VMP1: variants seen among roughly 807,000 people sequenced by gnomAD.
VMP1 encodes the protein ectopic P-granules autophagy protein 3 homolog.
A neutral mutation model predicts 56.0 loss-of-function variants in VMP1; 11 were observed. The ratio of observed to expected loss-of-function variants is 0.20; its 90% CI spans 0.12 to 0.32. The LOEUF is 0.32. Ranked by LOEUF, VMP1 falls within the 10% of genes least tolerant of loss-of-function variation. The probability of loss-of-function intolerance (pLI) is 1.00; values close to 1 mark genes in which losing one functional copy is unlikely to be tolerated. For synonymous variants in VMP1, 149 were observed against 165.0 expected (o/e 0.90, Z 0.74); for missense variants, 296 against 490.3 (o/e 0.60, Z 3.74).
At chr17:59,764,356 C>T (rs77822125) in intron 5 of VMP1, among the ~76,000 whole-genome samples, 84 of 152,102 alleles carry the variant, frequency 5.5e-4, no homozygotes, top group African/African-American at 2.0e-3. Flanking sequence ...AGGGATGGGG[C>T]CTTGTTCCGT....
intron 1 of VMP1, among the ~76,000 whole-genome samples, chr17:59,713,395 TATAATA>T (rs549268809): frequency 1.3e-5 from 2 of 151,214 alleles, no homozygotes; most frequent in East Asian, 1.9e-4. Flanking sequence ...GAACTTAAAG[TATAATA>T]ATAATAATAA....
chr17:59,832,182 C>CTTT (rs766864144), intron 10 of VMP1, among the ~76,000 whole-genome samples: 3,617 of 102,756 alleles, frequency 0.035, 500 homozygotes, highest in African/African-American at 0.13. Flanking sequence ...ATGAGATCAA[C>CTTT]TTTTTTTTTT....
At chr17:59,791,732 G>A (rs1294540079) in intron 7 of VMP1, among the ~76,000 whole-genome samples, 1 of 152,012 alleles carries the variant, frequency 6.6e-6, no homozygotes, top group Non-Finnish European at 1.5e-5. Context: ...CCAAAATGCT[G>A]GGATTACAGG....
chr17:59,745,641 C>A (rs1369121220), intron 5 of VMP1, among the ~76,000 whole-genome samples: 2 of 152,162 alleles, frequency 1.3e-5, no homozygotes, highest in Non-Finnish European at 2.9e-5. Flanking sequence ...ATCCTAATTA[C>A]ACTTACTTTC....
intron 7 of VMP1, among the ~76,000 whole-genome samples, chr17:59,781,679 C>G (rs1027652639): frequency 1.3e-5 from 2 of 152,048 alleles, no homozygotes; most frequent in African/African-American, 4.8e-5. Context: ...CACATCTTTG[C>G]TATAACGGGT....
chr17:59,722,063 A>G (rs1001660404), intron 1 of VMP1, among the ~76,000 whole-genome samples: 3 of 152,214 alleles, frequency 2.0e-5, no homozygotes, highest in African/African-American at 7.2e-5. Context: ...GTGAGTCCTT[A>G]TTAGAGTACC....
intron 5 of VMP1, 22 bp from the exon 6 acceptor site, chr17:59,764,949 G>A: frequency 6.7e-7 from 1 of 1,487,942 alleles, no homozygotes; most frequent in Non-Finnish European, 9.0e-7. Flanking sequence ...CTTATCAGAA[G>A]TTTCTTGTAT....
At chr17:59,796,367 A>G (rs1010831075) in intron 7 of VMP1, among the ~76,000 whole-genome samples, 5 of 152,186 alleles carry the variant, frequency 3.3e-5, no homozygotes, top group African/African-American at 1.2e-4. Flanking sequence ...TGTGTTCTCA[A>G]CTTCTACAAT....
chr17:59,789,576 C>A (rs938124595), intron 7 of VMP1, among the ~76,000 whole-genome samples: 7 of 151,476 alleles, frequency 4.6e-5, no homozygotes, highest in Non-Finnish European at 7.4e-5. Flanking sequence ...AGACTACTTA[C>A]GCTTCGTTTT....
At chr17:59,753,882 G>A (rs961370640) in intron 5 of VMP1, among the ~76,000 whole-genome samples, 1 of 152,126 alleles carries the variant, frequency 6.6e-6, no homozygotes, top group Non-Finnish European at 1.5e-5. Flanking sequence ...AAGCAGTTTG[G>A]AAGTAGAAAA....
chr17:59,775,147 T>C (rs190487962), intron 7 of VMP1, among the ~76,000 whole-genome samples: 1 of 152,110 alleles, frequency 6.6e-6, no homozygotes, highest in East Asian at 1.9e-4. Context: ...GGTTTCACCA[T>C]GTTAGCCAGG....
chr17:59,810,103 G>A (rs551981359), intron 8 of VMP1, among the ~76,000 whole-genome samples: 7 of 152,146 alleles, frequency 4.6e-5, no homozygotes, highest in Non-Finnish European at 1.0e-4. Flanking sequence ...TGTTTAAAGC[G>A]ATGTTAGCTC....
chr17:59,836,620 T>C (rs1304168440), intron 10 of VMP1, among the ~76,000 whole-genome samples: 1 of 152,026 alleles, frequency 6.6e-6, no homozygotes, highest in Non-Finnish European at 1.5e-5. Context: ...TGTTCACAGA[T>C]CAGTTCGTGT....
rs1195116103 is a variant in VMP1, at chr17:59,772,991, C to G, written c.583-763C>G. On this transcript the variant is annotated intron_variant, in intron 6 of 11. Coordinates refer to ENST00000262291, the MANE Select transcript of VMP1 (RefSeq NM_030938.5). ...TTTTTTTTTTTTTTTGAGACAGAGTCTTGCTCTGTTGCCAGGCTGGAGTGT... is the reference window on the plus strand; with the variant it reads ...TTTTTTTTTTTTTTTGAGACAGAGTGTTGCTCTGTTGCCAGGCTGGAGTGT... Among the ~76,000 whole-genome samples the G allele has an allele frequency of 4.9e-5, 4 of 81,924 alleles. No individual in the cohort carries two copies. In the Admixed American group the frequency reaches 6.5e-4, roughly 13 times the overall value. 53.7% of individuals were successfully genotyped at this position (81,924 alleles called of 152,430 possible). A position where few individuals can be genotyped will look rare whatever the true frequency, so the allele number is the denominator to read the frequency against.
intron 4 of VMP1, among the ~76,000 whole-genome samples, chr17:59,737,849 A>C (rs1324852196): frequency 1.3e-5 from 2 of 152,012 alleles, no homozygotes; most frequent in African/African-American, 4.8e-5. Flanking sequence ...AGCTCACTGC[A>C]ACCTCTGCCT....
chr17:59,792,201 C>G (rs1055747237), intron 7 of VMP1, among the ~76,000 whole-genome samples: 2 of 151,980 alleles, frequency 1.3e-5, no homozygotes, highest in South Asian at 2.1e-4. Flanking sequence ...TGCTTGAGCC[C>G]GAGAGGTCAT....
At chr17:59,747,773 TC>T (rs940610537) in intron 5 of VMP1, among the ~76,000 whole-genome samples, 3 of 151,808 alleles carry the variant, frequency 2.0e-5, no homozygotes, top group Admixed American at 2.0e-4. Flanking sequence ...TGAACACCTA[TC>T]GTCCTAGCTA....
chr17:59,750,138 A>T (rs1440517068), intron 5 of VMP1, among the ~76,000 whole-genome samples: 1 of 152,166 alleles, frequency 6.6e-6, no homozygotes, highest in East Asian at 1.9e-4. Context: ...CCTAATCTAT[A>T]TATAGCTTTT....
intron 2 of VMP1, among the ~76,000 whole-genome samples, chr17:59,733,879 A>G (rs929453852): frequency 3.0e-4 from 46 of 152,194 alleles, no homozygotes; most frequent in Admixed American, 2.9e-3. Context: ...CCCATTTTAC[A>G]GAAGAGAAAA....
Sources: gnomAD v4.1 joint callset for allele counts (sites outside exome capture counted in the v4.1 genomes callset) on GRCh38, gnomAD v4.1.1 for gene constraint, MANE v1.5 for transcripts, NCBI Gene and HGNC (gene_info 2026-07-23, HGNC 2026-07-21) for gene names.